Variants in TFCP2L1 observed in about 807,000 individuals in gnomAD.
The protein encoded by TFCP2L1 is transcription factor CP2 like 1.
TFCP2L1 carries 12 observed loss-of-function variants against 72.2 expected under a neutral mutation model. The ratio of observed to expected loss-of-function variants is 0.17; its 90% CI spans 0.11 to 0.27. The LOEUF (loss-of-function observed/expected upper bound fraction) is 0.27. Among genes scored for constraint, TFCP2L1 ranks in the 10% least tolerant of loss-of-function variants. TFCP2L1 has a pLI of 1.00. For missense variants in TFCP2L1, 488 were observed against 624.6 expected (o/e 0.78, Z 2.33); for synonymous variants, 260 against 251.0 (o/e 1.04, Z -0.34).
chr2:121,227,313 T>G (rs1459523189), intron 13 of TFCP2L1, among the ~76,000 whole-genome samples: 1 of 152,254 alleles, frequency 6.6e-6, no homozygotes, highest in Admixed American at 6.5e-5. Context: ...GTTCTTTAAC[T>G]GTATAAGTAA....
Position 121,270,912 on chromosome 2 carries a change from G to A in TFCP2L1, c.214+10208C>T, listed in dbSNP as rs116153441. Among the ~76,000 whole-genome samples the A allele has an allele frequency of 9.9e-3, 1,452 of 147,406 alleles. 19 individuals carry two copies. The highest frequency in any genetic ancestry group is 0.03 in the South Asian group (142 of 4,686). On this transcript the variant is annotated intron_variant, in intron 2 of 14. Transcript: ENST00000263707. ...TTTTTTTTAAAGCAAGTTGTTGGCC[G>A]GGAGTGGTGGCTCACACCTGTAATC...
At position 121,269,918 on chromosome 2, in the gene TFCP2L1, A is replaced by AAAAAAAAAAAAAAATAT; in HGVS notation, c.214+11201_214+11202insATATTTTTTTTTTTTTT. Among the ~76,000 whole-genome samples the AAAAAAAAAAAAAAATAT allele has an allele frequency of 1.6e-3, 180 of 115,062 alleles. 1 individual carries two copies. Among genetic ancestry groups the AAAAAAAAAAAAAAATAT allele is most frequent in the East Asian group, 0.013 (33 of 2,622 alleles). The allele number at this position is 115,062 out of a possible 152,430, so 75.5% of individuals were successfully genotyped here. A position where few individuals can be genotyped will look rare whatever the true frequency, so the allele number is the denominator to read the frequency against. ...AGCAAGACTCCATCTAAAAAAAAAAAATATATATATATATATATGCAAAAG... is the reference window on the plus strand; with the variant it reads ...AGCAAGACTCCATCTAAAAAAAAAAAAAAAAAAAAAAAAATATATATATATATATATATATGCAAAAG... On this transcript the variant is annotated intron_variant, in intron 2 of 14. Transcript: ENST00000263707.
intron 2 of TFCP2L1, among the ~76,000 whole-genome samples, chr2:121,254,572 T>A (rs1167368921): frequency 3.3e-5 from 5 of 152,042 alleles, no homozygotes; most frequent in Non-Finnish European, 4.4e-5. Flanking sequence ...CCAAGGCAGA[T>A]GGATTGCCTG....
At chr2:121,226,873 T>A (rs1160200053) in intron 13 of TFCP2L1, among the ~76,000 whole-genome samples, 1 of 152,234 alleles carries the variant, frequency 6.6e-6, no homozygotes, top group African/African-American at 2.4e-5. Flanking sequence ...GAAATTTTCC[T>A]ACATTCTCCT....
chr2:121,249,979 C>T (rs958938474), intron 2 of TFCP2L1, among the ~76,000 whole-genome samples: 1 of 152,174 alleles, frequency 6.6e-6, no homozygotes, highest in Non-Finnish European at 1.5e-5. Flanking sequence ...CTTTACAAAC[C>T]CCCCAATACA....
At chr2:121,267,511 T>TTG (rs1686954737) in intron 2 of TFCP2L1, among the ~76,000 whole-genome samples, 1 of 151,900 alleles carries the variant, frequency 6.6e-6, no homozygotes, top group East Asian at 1.9e-4. Context: ...TTTTTTTTTT[T>TTG]GGGACGGAGT....
At chr2:121,268,294 T>C (rs1686973230) in intron 2 of TFCP2L1, among the ~76,000 whole-genome samples, 2 of 152,256 alleles carry the variant, frequency 1.3e-5, no homozygotes, top group Non-Finnish European at 2.9e-5. Context: ...TCTTTGCTGA[T>C]TAAACATTTT....
At chr2:121,253,754 T>A (rs957303685) in intron 2 of TFCP2L1, among the ~76,000 whole-genome samples, 1 of 152,014 alleles carries the variant, frequency 6.6e-6, no homozygotes, top group African/African-American at 2.4e-5. Context: ...GATCACAGCT[T>A]CTCCTGGGCC....
intron 14 of TFCP2L1, among the ~76,000 whole-genome samples, chr2:121,224,786 T>C (rs530683455): frequency 1.3e-5 from 2 of 152,066 alleles, no homozygotes; most frequent in African/African-American, 4.8e-5. Flanking sequence ...ATCAAGACCA[T>C]CCTGGCTAAC....
chr2:121,267,552 G>A (rs1686956313), intron 2 of TFCP2L1, among the ~76,000 whole-genome samples: 3 of 151,410 alleles, frequency 2.0e-5, no homozygotes, highest in East Asian at 3.9e-4. Flanking sequence ...GGAGTGCAGT[G>A]GCGCGATCTC....
At position 121,220,913 on chromosome 2, in the gene TFCP2L1, A is replaced by G. The variant is rs1264527423; in HGVS notation, c.*3428T>C. ...CGAGAAGGTAAGAAGAGCAGATGCC[A>G]GGGGCATGCCAGAAAAATGGAAGAC... On this transcript the variant is annotated 3_prime_UTR_variant, in exon 15 of 15. Transcript: ENST00000263707. 6.6e-6 allele frequency: 1 copy of G among 152,240 alleles called. No homozygotes were observed. The highest frequency in any genetic ancestry group is 1.5e-5 in the Non-Finnish European group (1 of 68,034). The allele number at this position is 152,240 out of a possible 1,614,324, so 9.4% of individuals were successfully genotyped here.
intron 11 of TFCP2L1, 87 bp from the exon 12 acceptor site, chr2:121,234,281 C>T (rs1686200893): frequency 8.0e-7 from 1 of 1,247,982 alleles, no homozygotes; most frequent in Non-Finnish European, 1.2e-6. Flanking sequence ...CAATAGTGGG[C>T]AGAACTCAGG....
intron 2 of TFCP2L1, among the ~76,000 whole-genome samples, chr2:121,277,860 C>T (rs78703809): frequency 0.029 from 4,451 of 152,110 alleles, 231 homozygotes; most frequent in African/African-American, 0.099. Context: ...CTGGTGAAAT[C>T]GGAGGGGATT....
chr2:121,230,736 C>A (rs1186971170), intron 13 of TFCP2L1, among the ~76,000 whole-genome samples: 1 of 151,988 alleles, frequency 6.6e-6, no homozygotes, highest in East Asian at 1.9e-4. Context: ...TCACACCAGC[C>A]TGAGTGATAG....
rs763066322 is a variant in TFCP2L1 at position 121,248,338 on chromosome 2, CCT to C, written c.398-70_398-69del. On this transcript the variant is annotated intron_variant, in intron 4 of 14. Transcript: ENST00000263707. ...TCTCCCAAATATTTAGGGAAAGACC[CCT>C]GTTACAGGTCCCAATTCCTTCGCCC... The C allele has an allele frequency of 1.4e-4, 181 of 1,308,530 alleles. 1 individual carries two copies. The African/African-American group carries it at 2.0e-3, about 14-fold the overall frequency. The allele number at this position is 1,308,530 out of a possible 1,614,324, so 81.1% of individuals were successfully genotyped here.
intron 12 of TFCP2L1, among the ~76,000 whole-genome samples, chr2:121,233,880 A>G (rs887613922): frequency 6.6e-6 from 1 of 152,250 alleles, no homozygotes; most frequent in African/African-American, 2.4e-5. Flanking sequence ...GGTGTGCACT[A>G]AGGCAGCACC....
At chr2:121,248,842 C>T (rs1041260707) in intron 4 of TFCP2L1, 140 bp downstream of exon 4, 16 of 543,094 alleles carry the variant, frequency 2.9e-5, no homozygotes, top group Admixed American at 3.8e-5. Flanking sequence ...GTCAGCTCTG[C>T]AAGCTCCCGC....
intron 14 of TFCP2L1, among the ~76,000 whole-genome samples, chr2:121,225,069 G>A (rs751133413): frequency 9.2e-5 from 14 of 151,698 alleles, no homozygotes; most frequent in South Asian, 2.1e-4. Flanking sequence ...TCTATGAGTC[G>A]GTCAGAGGGC....
chr2:121,269,918 A>AAAAAAAAAAAAAAAAATAT lies in TFCP2L1; in HGVS notation c.214+11201_214+11202insATATTTTTTTTTTTTTTTT. 6.4e-3 allele frequency among the ~76,000 whole-genome samples: 734 copies of AAAAAAAAAAAAAAAAATAT among 114,796 alleles called. 31 individuals carry two copies. The highest frequency in any genetic ancestry group is 9.5e-3 in the Non-Finnish European group (569 of 60,180). The allele number at this position is 114,796 out of a possible 152,430, so 75.3% of individuals were successfully genotyped here. A position where few individuals can be genotyped will look rare whatever the true frequency, so the allele number is the denominator to read the frequency against. On this transcript the variant is annotated intron_variant, in intron 2 of 14. Coordinates refer to ENST00000263707, the MANE Select transcript of TFCP2L1 (RefSeq NM_014553.3). ...AGCAAGACTCCATCTAAAAAAAAAAAATATATATATATATATATGCAAAAG... is the reference window on the plus strand; with the variant it reads ...AGCAAGACTCCATCTAAAAAAAAAAAAAAAAAAAAAAAAAAATATATATATATATATATATATGCAAAAG...
Sources: allele counts gnomAD v4.1 joint callset (sites outside exome capture counted in the v4.1 genomes callset), GRCh38; gene constraint gnomAD v4.1.1; transcripts MANE v1.5; gene names NCBI Gene and HGNC (gene_info 2026-07-23, HGNC 2026-07-21).